CHIC1: variants seen among roughly 807,000 people sequenced by gnomAD.
CHIC1 encodes the protein cysteine-rich hydrophobic domain-containing protein 1.
Under a neutral mutation model 18.5 loss-of-function variants are expected in CHIC1, and 7 were observed. That is an observed-to-expected ratio of 0.38 (90% CI 0.22 to 0.71). CHIC1 has a LOEUF of 0.71. Ranked by LOEUF, CHIC1 falls within the 30% of genes least tolerant of loss-of-function variation. The pLI, the probability that CHIC1 is intolerant of heterozygous loss-of-function variation, is 0.49. For missense variants in CHIC1, 159 were observed against 176.9 expected, an observed-to-expected ratio of 0.90 and a Z score of 0.57; for synonymous variants, 77 against 73.5, an observed-to-expected ratio of 1.05 and a Z score of -0.25.
At chrX:73,663,852 C>G (rs986489659) in intron 3 of CHIC1, among the ~76,000 whole-genome samples, 2 of 111,217 alleles carry the variant, frequency 1.8e-5, no homozygotes, top group Admixed American at 1.9e-4. Flanking sequence ...GATATGCAGA[C>G]CTTTACATTC....
intron 3 of CHIC1, among the ~76,000 whole-genome samples, chrX:73,644,711 G>C (rs1318175295): frequency 8.9e-6 from 1 of 112,575 alleles, no homozygotes; most frequent in African/African-American, 3.2e-5. Flanking sequence ...CTCCAGGTGT[G>C]CTCTTTTTTA....
At chrX:73,638,902 A>G (rs1419442147) in intron 3 of CHIC1, among the ~76,000 whole-genome samples, 3 of 112,204 alleles carry the variant, frequency 2.7e-5, no homozygotes, top group African/African-American at 9.7e-5. Context: ...TATATGTACC[A>G]CATTTTCTCT....
At position 73,683,388 on chromosome X, in the gene CHIC1, G is replaced by T. The variant is rs1183558988; in HGVS notation, c.*2383G>T. ...TTTCAAACTGTTTTCCTTTGCAGGG[G>T]GCTGATTAGCAATTGAGTATTTTGT... is the stretch of plus-strand genomic sequence containing the variant. On this transcript the variant is annotated 3_prime_UTR_variant, in exon 6 of 6. Coordinates refer to ENST00000373502, the MANE Select transcript of CHIC1 (RefSeq NM_001039840.4). 1 of 111,148 alleles carries T rather than the reference G, an allele frequency of 9.0e-6. No individual in the cohort carries two copies. The highest frequency in any genetic ancestry group is 2.8e-4 in the East Asian group (1 of 3,541). 9.2% of individuals were successfully genotyped at this position (111,148 alleles called of 1,213,427 possible).
intron 3 of CHIC1, among the ~76,000 whole-genome samples, chrX:73,653,848 T>C (rs980477762): frequency 8.9e-6 from 1 of 112,397 alleles, no homozygotes; most frequent in Admixed American, 9.5e-5. Context: ...GAAATTTCTT[T>C]TTCAGATTGT....
At chrX:73,634,408 C>T (rs2057822099) in intron 3 of CHIC1, among the ~76,000 whole-genome samples, 1 of 112,610 alleles carries the variant, frequency 8.9e-6, no homozygotes, top group African/African-American at 3.2e-5. Context: ...TTTCTCAGAC[C>T]AAAAGAGTCA....
intron 3 of CHIC1, among the ~76,000 whole-genome samples, chrX:73,625,423 G>A (rs1456041842): frequency 1.8e-5 from 2 of 111,661 alleles, no homozygotes; most frequent in Non-Finnish European, 3.8e-5. Context: ...CTTGCTGCAA[G>A]GTGGGGAAGG....
At chrX:73,624,012 C>T (rs755468511) in intron 3 of CHIC1, among the ~76,000 whole-genome samples, 3 of 110,242 alleles carry the variant, frequency 2.7e-5, no homozygotes, top group Non-Finnish European at 5.7e-5. Flanking sequence ...TAAGCAGGCA[C>T]AGCTGGAAGG....
At chrX:73,676,905 T>A (rs1767980869) in intron 3 of CHIC1, among the ~76,000 whole-genome samples, 1 of 111,116 alleles carries the variant, frequency 9.0e-6, no homozygotes. Context: ...TACAGATGGG[T>A]TTTTGGTGTG....
chrX:73,665,120 A>G (rs180873855), intron 3 of CHIC1, among the ~76,000 whole-genome samples: 167 of 112,104 alleles, frequency 1.5e-3, no homozygotes, highest in African/African-American at 5.3e-3. Context: ...ACAGGGTCCC[A>G]TAGCTGCAGT....
intron 3 of CHIC1, among the ~76,000 whole-genome samples, chrX:73,589,622 C>T (rs749499451): frequency 7.2e-5 from 8 of 110,754 alleles, no homozygotes; most frequent in South Asian, 3.7e-4. Flanking sequence ...TTTAATCATA[C>T]GGGAAAAAGA....
intron 3 of CHIC1, among the ~76,000 whole-genome samples, chrX:73,609,231 C>T (rs1221381184): frequency 1.9e-5 from 2 of 106,899 alleles, no homozygotes; most frequent in Non-Finnish European, 3.8e-5. Context: ...ATTTCCAGTG[C>T]TAAATTGAAT....
intron 3 of CHIC1, among the ~76,000 whole-genome samples, chrX:73,664,637 C>T (rs867216853): frequency 1.8e-5 from 2 of 111,554 alleles, no homozygotes; most frequent in African/African-American, 3.3e-5. Context: ...AGGCCCTTGT[C>T]GAACATTTAC....
chrX:73,659,359 C>T (rs2057967604), intron 3 of CHIC1, among the ~76,000 whole-genome samples: 1 of 93,317 alleles, frequency 1.1e-5, no homozygotes, highest in Admixed American at 1.3e-4. Context: ...TCTCCTACAT[C>T]TTCCCCTTTT....
intron 3 of CHIC1, among the ~76,000 whole-genome samples, chrX:73,642,586 T>G (rs1204214336): frequency 9.4e-6 from 1 of 106,124 alleles, no homozygotes; most frequent in Non-Finnish European, 2.0e-5. Context: ...AGACATGAAG[T>G]CCTTGCCCAT....
intron 3 of CHIC1, among the ~76,000 whole-genome samples, chrX:73,653,272 C>A (rs369735029): frequency 9.0e-6 from 1 of 110,627 alleles, no homozygotes; most frequent in African/African-American, 3.3e-5. Context: ...CAATAGATGC[C>A]GCAAACCACC....
chrX:73,591,355 G>T (rs1489258482), intron 3 of CHIC1, among the ~76,000 whole-genome samples: 2 of 110,082 alleles, frequency 1.8e-5, no homozygotes, highest in African/African-American at 3.3e-5. Context: ...ACCAATTTCT[G>T]GAGGAGACTC....
chrX:73,661,871 AAC>A (rs2147618718), intron 3 of CHIC1, among the ~76,000 whole-genome samples: 1 of 110,150 alleles, frequency 9.1e-6, no homozygotes, highest in East Asian at 2.9e-4. Context: ...GTCATTCGTA[AAC>A]AGTGTTAAAG....
At chrX:73,590,472 A>C (rs2147556297) in intron 3 of CHIC1, among the ~76,000 whole-genome samples, 1 of 110,970 alleles carries the variant, frequency 9.0e-6, no homozygotes, top group East Asian at 2.9e-4. Context: ...ATTATAATTA[A>C]CTAAAGTCCA....
rs1353082921 is a variant in CHIC1, at chrX:73,680,958, A to T, written c.628A>T (p.Ile210Leu). Reference sequence around the variant, plus strand: ...TATTCTTGTTTTTATTTTGCAGGTAATACTAATAGAATTCTTACCAAAATA... The same window carrying T: ...TATTCTTGTTTTTATTTTGCAGGTATTACTAATAGAATTCTTACCAAAATA... Reference protein sequence around the residue: ...CETSNMMEYVILIEFLPKYPI... With the variant: ...CETSNMMEYVLLIEFLPKYPI... Residue 210 changes from isoleucine to leucine, a missense_variant, in exon 6 of 6, where the codon ATA (isoleucine) becomes TTA (leucine). Ile to Leu is a conservative substitution (Grantham distance 5). Transcript: ENST00000373502. 9.6e-7 allele frequency: 1 copy of T among 1,044,906 alleles called. No individual in the cohort carries two copies. Among genetic ancestry groups the T allele is most frequent in the Admixed American group, 2.7e-5 (1 of 37,155 alleles). The allele number at this position is 1,044,906 out of a possible 1,213,427, so 86.1% of individuals were successfully genotyped here.
Sources: gnomAD v4.1 joint callset for allele counts (sites outside exome capture counted in the v4.1 genomes callset) on GRCh38, gnomAD v4.1.1 for gene constraint, MANE v1.5 for transcripts, NCBI Gene and HGNC (gene_info 2026-07-23, HGNC 2026-07-21) for gene names.